HLA-DQA1: variants seen among roughly 807,000 people sequenced by gnomAD.
The protein encoded by HLA-DQA1 is HLA class II histocompatibility antigen, DQ alpha 1 chain.
Under a neutral mutation model 20.7 loss-of-function variants are expected in HLA-DQA1, and 10 were observed. The ratio of observed to expected loss-of-function variants is 0.48; its 90% CI spans 0.30 to 0.82. The LOEUF is 0.82. Ranked by LOEUF, HLA-DQA1 falls within the 40% of genes least tolerant of loss-of-function variation. The probability of loss-of-function intolerance (pLI) is 0.07; values close to 1 mark genes in which losing one functional copy is unlikely to be tolerated. For missense variants in HLA-DQA1, 127 were observed against 293.0 expected (o/e 0.43, Z 4.14); for synonymous variants, 39 against 109.2 (o/e 0.36, Z 4.01).
intron 1 of HLA-DQA1, among the ~76,000 whole-genome samples, chr6:32,641,030 C>T (rs1474959529): frequency 9.1e-6 from 1 of 109,862 alleles, no homozygotes; most frequent in African/African-American, 3.2e-5. Context: ...ATTATTTAAT[C>T]ATAAGTCCAT....
the HLA-DQA1 span, among the ~76,000 whole-genome samples, chr6:32,654,519 A>G: frequency 0.11 from 7,485 of 70,324 alleles, 963 homozygotes; most frequent in Middle Eastern, 0.16. Flanking sequence ...CCTCCCATAT[A>G]CTTTAAGCCA....
chr6:32,654,333 G>A, the HLA-DQA1 span, among the ~76,000 whole-genome samples: 7,474 of 111,898 alleles, frequency 0.067, 960 homozygotes, highest in African/African-American at 0.094. Context: ...TAGACAGGAG[G>A]AATAAGTACT....
the HLA-DQA1 span, among the ~76,000 whole-genome samples, chr6:32,653,961 A>G: frequency 0.14 from 9,768 of 68,268 alleles, 1,584 homozygotes; most frequent in Admixed American, 0.19. Context: ...GCAGGTGGGG[A>G]AATGGGGGTA....
At chr6:32,647,410 A>C (rs145918621), downstream of HLA-DQA1, among the ~76,000 whole-genome samples, 1,236 of 96,736 alleles carry the variant, frequency 0.013, 421 homozygotes, top group Non-Finnish European at 3.1e-3. Context: ...CAGAGGTTGC[A>C]GTGAACTGAG....
downstream of HLA-DQA1, among the ~76,000 whole-genome samples, chr6:32,649,515 T>G (rs1330297953): frequency 2.1e-5 from 2 of 94,286 alleles, 1 homozygote; most frequent in Non-Finnish European, 4.7e-5. Context: ...CAGAACAGAG[T>G]CCTCAGAAAT....
downstream of HLA-DQA1, chr6:32,644,014 T>C (rs1582004937): frequency 2.5e-5 from 1 of 39,778 alleles, no homozygotes; most frequent in South Asian, 6.8e-4. Flanking sequence ...TGAATATGGC[T>C]ACAGGATGTT....
chr6:32,645,640 C>A (rs4476870), downstream of HLA-DQA1: 1 of 95,456 alleles, frequency 1.0e-5, no homozygotes, highest in Non-Finnish European at 2.4e-5. Context: ...TTCTGTGAAC[C>A]TACAACCGCT....
rs987091735 is a variant in HLA-DQA1 at position 32,640,431 on chromosome 6, G to C, written c.83-879G>C. Among the ~76,000 whole-genome samples the C allele has an allele frequency of 3.0e-5, 3 of 99,426 alleles. 1 individual carries two copies. Among genetic ancestry groups the C allele is most frequent in the African/African-American group, 1.0e-4 (3 of 28,918 alleles). The allele number at this position is 99,426 out of a possible 152,430, so 65.2% of individuals were successfully genotyped here. On this transcript the variant is annotated intron_variant, in intron 1 of 4. Coordinates refer to ENST00000343139, the MANE Select transcript of HLA-DQA1 (RefSeq NM_002122.5). ...AAGTCCAGTTTGGCTCATTTGGCTGGAGTCGTACTGCATGGCTGCCATTCT... is the reference window on the plus strand; with the variant it reads ...AAGTCCAGTTTGGCTCATTTGGCTGCAGTCGTACTGCATGGCTGCCATTCT...
chr6:32,653,579 A>T, the HLA-DQA1 span, among the ~76,000 whole-genome samples: 8 of 91,060 alleles, frequency 8.8e-5, no homozygotes, highest in East Asian at 3.7e-4. Flanking sequence ...TGTTTTTTTT[A>T]AATTCATCAT....
In HLA-DQA1 at chr6:32,643,611, A is replaced by C. The variant is rs1781661300; in HGVS notation, c.*680A>C. 6.6e-6 allele frequency: 1 copy of C among 152,094 alleles called. No individual in the cohort carries two copies. The highest frequency in any genetic ancestry group is 6.6e-5 in the Admixed American group (1 of 15,088). 9.4% of individuals were successfully genotyped at this position (152,094 alleles called of 1,614,324 possible). A position where few individuals can be genotyped will look rare whatever the true frequency, so the allele number is the denominator to read the frequency against. ...TAATTTCAATGTGGCTTTTAAAAGT[A>C]TGACAGAGAAATAAGTTAGGATAAA... On this transcript the variant is annotated 3_prime_UTR_variant, in exon 5 of 5. Transcript: ENST00000343139.
chr6:32,638,075 C>T (rs923088169), intron 1 of HLA-DQA1, among the ~76,000 whole-genome samples: 1 of 132,386 alleles, frequency 7.6e-6, no homozygotes, highest in African/African-American at 2.8e-5. Context: ...AGGCTGAATG[C>T]CTTCAACAAT....
chr6:32,641,158 G>A lies in HLA-DQA1; in HGVS notation c.83-152G>A. ...TTAACTGGACAACTACCAACATGAA[G>A]AGGGGAGGAAGCAGGGGCTGGAAAT... On this transcript the variant is annotated intron_variant, in intron 1 of 4. Transcript: ENST00000343139. The A allele has an allele frequency of 3.8e-6, 2 of 530,096 alleles. 1 individual carries two copies. 32.8% of individuals were successfully genotyped at this position (530,096 alleles called of 1,614,324 possible). A position where few individuals can be genotyped will look rare whatever the true frequency, so the allele number is the denominator to read the frequency against.
chr6:32,647,533 A>G (rs78337030), downstream of HLA-DQA1, among the ~76,000 whole-genome samples: 10,935 of 96,090 alleles, frequency 0.11, 1,441 homozygotes, highest in South Asian at 0.29. Context: ...GTTTTCTACA[A>G]TGCAAAGTTT....
At chr6:32,640,384 G>T in intron 1 of HLA-DQA1, among the ~76,000 whole-genome samples, 1 of 93,826 alleles carries the variant, frequency 1.1e-5, no homozygotes, top group African/African-American at 3.7e-5. Context: ...ATGGTAAAAG[G>T]CTTACACATG....
At chr6:32,654,095 GCCT>G in the HLA-DQA1 span, among the ~76,000 whole-genome samples, 1 of 83,704 alleles carries the variant, frequency 1.2e-5, no homozygotes, top group South Asian at 3.6e-4. Flanking sequence ...GATTGGTTGA[GCCT>G]CGTTCAAGAC....
chr6:32,644,834 T>G (rs2150977785), downstream of HLA-DQA1: 1 of 134,902 alleles, frequency 7.4e-6, no homozygotes, highest in African/African-American at 2.6e-5. Context: ...GGGAATATAT[T>G]CCCTCCTTAT....
the HLA-DQA1 span, among the ~76,000 whole-genome samples, chr6:32,655,121 C>A: frequency 3.8e-5 from 5 of 131,754 alleles, no homozygotes; most frequent in African/African-American, 1.4e-4. Context: ...GTTAATTAGC[C>A]TGGTTTAATC....
At chr6:32,652,785 T>C in the HLA-DQA1 span, among the ~76,000 whole-genome samples, 20 of 151,316 alleles carry the variant, frequency 1.3e-4, no homozygotes, top group Non-Finnish European at 2.7e-4. Context: ...TGCCCATAGT[T>C]AAGGAAGAAG....
chr6:32,640,195 C>T (rs9272620), intron 1 of HLA-DQA1, among the ~76,000 whole-genome samples: 1,090 of 94,314 alleles, frequency 0.012, 302 homozygotes, highest in African/African-American at 0.038. Flanking sequence ...GTAAGGCTGT[C>T]GATATCCTCC....
Sources: gnomAD v4.1 joint callset for allele counts (sites outside exome capture counted in the v4.1 genomes callset) on GRCh38, gnomAD v4.1.1 for gene constraint, MANE v1.5 for transcripts, NCBI Gene and HGNC (gene_info 2026-07-23, HGNC 2026-07-21) for gene names.